NLRP8: variants seen among roughly 807,000 people sequenced by gnomAD.
The protein encoded by NLRP8 is NLR family pyrin domain containing 8, also known as NACHT, LRR and PYD domains-containing protein 8.
NLRP8 carries 86 observed loss-of-function variants against 88.7 expected under a neutral mutation model. That is an observed-to-expected ratio of 0.97 (90% CI 0.81 to 1.16). NLRP8 has a LOEUF of 1.16. Among genes scored for constraint, NLRP8 ranks in the 50% most tolerant of loss-of-function variants. The pLI is 0.00. For synonymous variants in NLRP8, 504 were observed against 494.6 expected, an observed-to-expected ratio of 1.02 and a Z score of -0.25; for missense variants, 1,342 against 1,286.5, an observed-to-expected ratio of 1.04 and a Z score of -0.66.
intron 3 of NLRP8, among the ~76,000 whole-genome samples, chr19:55,957,813 C>T (rs960979042): frequency 6.7e-6 from 1 of 150,224 alleles, no homozygotes; most frequent in Admixed American, 6.6e-5. Context: ...AAACTGTTAC[C>T]ACTCATGTAA....
intron 8 of NLRP8, among the ~76,000 whole-genome samples, chr19:55,979,084 T>C (rs1181849195): frequency 1.3e-5 from 2 of 152,212 alleles, no homozygotes; most frequent in African/African-American, 2.4e-5. Context: ...TGTTGCTCAC[T>C]CTTGTGTCAA....
At position 55,979,534 on chromosome 19, in the gene NLRP8, C is replaced by G; in HGVS notation, c.3017C>G (p.Ser1006Ter). The G allele has an allele frequency of 6.2e-7, 1 of 1,614,194 alleles. No individual in the cohort carries two copies. The highest frequency in any genetic ancestry group is 1.1e-5 in the South Asian group (1 of 91,082). ...ATTCTGACCTTGTGCGAGGCCTTCT[C>G]AAGCCAAAAGAAGAGAGAAGAGGTC... The change falls in exon 9 of 10, where the codon TCA becomes TGA. Residue 1006 changes from serine (S) to a stop codon, truncating the protein, a stop_gained. Coordinates refer to ENST00000291971, the MANE Select transcript of NLRP8 (RefSeq NM_176811.2). LOFTEE classifies it low-confidence loss of function (END_TRUNC).
rs140736083 is a variant in NLRP8, at chr19:55,951,437, G to A, written c.368-1101G>A. 2.6e-3 allele frequency among the ~76,000 whole-genome samples: 401 copies of A among 152,268 alleles called. 3 individuals carry two copies. Among genetic ancestry groups the A allele is most frequent in the African/African-American group, 9.1e-3 (377 of 41,550 alleles). On this transcript the variant is annotated intron_variant, in intron 1 of 9. Coordinates refer to ENST00000291971, the MANE Select transcript of NLRP8 (RefSeq NM_176811.2). Reference sequence around the variant, plus strand: ...TGGTGTTCACAAGAATTTTATAGACGAGAACTACCACACATAACAAGAATC... The same window carrying A: ...TGGTGTTCACAAGAATTTTATAGACAAGAACTACCACACATAACAAGAATC...
rs73934209 is a variant in NLRP8 at position 55,948,367 on chromosome 19, C to T, written c.367+98C>T. 1.2e-5 allele frequency: 15 copies of T among 1,281,404 alleles called. No homozygotes were observed. The African/African-American group carries it at 2.1e-4, about 18-fold the overall frequency. The allele number at this position is 1,281,404 out of a possible 1,614,324, so 79.4% of individuals were successfully genotyped here. A position where few individuals can be genotyped will look rare whatever the true frequency, so the allele number is the denominator to read the frequency against. ...CCCTATCACTTATTGGCCTTCTGAG[C>T]AAGAAAGCAAACAGTGGAGGAAGAT... On this transcript the variant is annotated intron_variant, in intron 1 of 9. Coordinates refer to ENST00000291971, the MANE Select transcript of NLRP8 (RefSeq NM_176811.2).
intron 5 of NLRP8, among the ~76,000 whole-genome samples, chr19:55,968,458 AG>A (rs1459218478): frequency 2.7e-5 from 4 of 146,146 alleles, no homozygotes; most frequent in Non-Finnish European, 6.0e-5. Flanking sequence ...AAAATAAAAT[AG>A]GCCAGGCACG....
intron 4 of NLRP8, 25 bp downstream of exon 4, chr19:55,962,262 G>A: frequency 1.9e-6 from 3 of 1,603,376 alleles, no homozygotes; most frequent in Non-Finnish European, 2.6e-6. Flanking sequence ...AATCCCACTG[G>A]AAGGAACTTT....
Position 55,988,154 on chromosome 19 carries a change from G to A in NLRP8, c.*241G>A. 3.3e-6 allele frequency: 1 copy of A among 300,792 alleles called. No homozygotes were observed. The highest frequency in any genetic ancestry group is 6.3e-6 in the Non-Finnish European group (1 of 159,176). The allele number at this position is 300,792 out of a possible 1,614,324, so 18.6% of individuals were successfully genotyped here. A position where few individuals can be genotyped will look rare whatever the true frequency, so the allele number is the denominator to read the frequency against. ...ACGCCTGTAACCCAGCACTATGGGA[G>A]GTCGAGGTGGGCAGATTACCTGAGG... On this transcript the variant is annotated 3_prime_UTR_variant, in exon 10 of 10. Transcript: ENST00000291971.
At chr19:55,957,710 TATATATATATATATAAAA>T (rs1979439436) in intron 3 of NLRP8, among the ~76,000 whole-genome samples, 1 of 59,256 alleles carries the variant, frequency 1.7e-5, no homozygotes, top group Admixed American at 2.0e-4. Context: ...TATATATATA[TATATATATATATATAAAA>T]TAAGGTTGTT....
rs74836554 is a variant in NLRP8 at position 55,974,986 on chromosome 19, C to T, written c.2706-1147C>T. ...AGTGTCTGTCCGAGATCACGGTGCT[C>T]CTGCTCTGTCACGAGGTAGTTCATT... On this transcript the variant is annotated intron_variant, in intron 7 of 9. Transcript: ENST00000291971. 2.6e-5 allele frequency among the ~76,000 whole-genome samples: 4 copies of T among 152,186 alleles called. No homozygotes were observed. The East Asian group carries it at 7.7e-4, about 29-fold the overall frequency.
intron 6 of NLRP8, among the ~76,000 whole-genome samples, chr19:55,971,365 A>T (rs1432073555): frequency 6.9e-6 from 1 of 145,222 alleles, no homozygotes; most frequent in East Asian, 2.1e-4. Context: ...CCTTGAACCC[A>T]GGAGGCTAGA....
intron 2 of NLRP8, among the ~76,000 whole-genome samples, chr19:55,953,324 T>C (rs545707470): frequency 6.6e-6 from 1 of 152,254 alleles, no homozygotes; most frequent in Non-Finnish European, 1.5e-5. Flanking sequence ...CTGAGTTGTA[T>C]AATTATTTCA....
At chr19:55,950,002 GGA>G (rs1197514586) in intron 1 of NLRP8, among the ~76,000 whole-genome samples, 3 of 152,192 alleles carry the variant, frequency 2.0e-5, no homozygotes, top group East Asian at 3.8e-4. Context: ...CATGTGAAAA[GGA>G]GAGAGAGTCA....
At chr19:55,974,385 T>G (rs1299624840) in intron 7 of NLRP8, among the ~76,000 whole-genome samples, 1 of 152,152 alleles carries the variant, frequency 6.6e-6, no homozygotes, top group Non-Finnish European at 1.5e-5. Context: ...CCATACATCC[T>G]TCTGCAGCTG....
intron 4 of NLRP8, among the ~76,000 whole-genome samples, chr19:55,962,889 C>T (rs1303621433): frequency 3.3e-5 from 5 of 152,186 alleles, no homozygotes; most frequent in African/African-American, 2.4e-5. Context: ...GTGGAATCAG[C>T]ACACTGTGTA....
Position 55,988,070 on chromosome 19 carries a change from T to G in NLRP8, c.*157T>G. The G allele has an allele frequency of 3.3e-6, 2 of 612,166 alleles. No homozygotes were observed. Among genetic ancestry groups the G allele is most frequent in the Non-Finnish European group, 5.9e-6 (2 of 337,430 alleles). 37.9% of individuals were successfully genotyped at this position (612,166 alleles called of 1,614,324 possible). On this transcript the variant is annotated 3_prime_UTR_variant, in exon 10 of 10. Coordinates refer to ENST00000291971, the MANE Select transcript of NLRP8 (RefSeq NM_176811.2). ...AGAACCTCAGCTTTGAACCCTGGAG[T>G]GAGGACGGTGATGCCCTGTGTGTAT...
intron 9 of NLRP8, among the ~76,000 whole-genome samples, chr19:55,986,942 C>T (rs767902657): frequency 1.7e-4 from 26 of 152,220 alleles, no homozygotes; most frequent in Non-Finnish European, 3.5e-4. Flanking sequence ...GCTCAAAGCC[C>T]AGGACCAAAG....
chr19:55,987,721 T>G, intron 9 of NLRP8: 1 of 900,514 alleles, frequency 1.1e-6, no homozygotes, highest in Non-Finnish European at 1.8e-6. Flanking sequence ...GTACGGTCTG[T>G]AGAAAAAGCA....
intron 4 of NLRP8, among the ~76,000 whole-genome samples, chr19:55,964,382 G>A (rs1185964099): frequency 6.6e-6 from 1 of 152,202 alleles, no homozygotes; most frequent in East Asian, 1.9e-4. Context: ...TGCGACTAGG[G>A]ATGTTAAGCT....
At chr19:55,972,995 G>T (rs1188276480) in intron 6 of NLRP8, among the ~76,000 whole-genome samples, 1 of 152,148 alleles carries the variant, frequency 6.6e-6, no homozygotes, top group Non-Finnish European at 1.5e-5. Flanking sequence ...TGGGATCGCT[G>T]CATCAAATGG....
Sources: gnomAD v4.1 joint callset for allele counts (sites outside exome capture counted in the v4.1 genomes callset) on GRCh38, gnomAD v4.1.1 for gene constraint, MANE v1.5 for transcripts, NCBI Gene and HGNC (gene_info 2026-07-23, HGNC 2026-07-21) for gene names.